Variants in DENND5B observed in about 807,000 individuals in gnomAD.
The protein encoded by DENND5B is DENN domain-containing protein 5B.
DENND5B carries 34 observed loss-of-function variants against 140.6 expected under a neutral mutation model. The ratio of observed to expected loss-of-function variants is 0.24; its 90% CI spans 0.18 to 0.32. The LOEUF (loss-of-function observed/expected upper bound fraction) is 0.32. Ranked by LOEUF, DENND5B falls within the 10% of genes least tolerant of loss-of-function variation. DENND5B has a pLI of 1.00. For missense variants in DENND5B, 1,142 were observed against 1,560.2 expected (o/e 0.73, Z 4.52); for synonymous variants, 551 against 562.1 (o/e 0.98, Z 0.28).
chr12:31,457,650 G>A (rs1326821681), intron 4 of DENND5B, among the ~76,000 whole-genome samples: 1 of 151,846 alleles, frequency 6.6e-6, no homozygotes, highest in East Asian at 1.9e-4. Flanking sequence ...GAGGCTGTTA[G>A]CCTTTTCTTA....
intron 1 of DENND5B, among the ~76,000 whole-genome samples, chr12:31,583,548 C>T (rs1039003887): frequency 6.6e-5 from 10 of 151,560 alleles, no homozygotes; most frequent in South Asian, 2.1e-4. Flanking sequence ...CATGGTGGCA[C>T]GCACCTGTAG....
chr12:31,530,775 A>C (rs540641731), intron 1 of DENND5B, among the ~76,000 whole-genome samples: 48 of 152,330 alleles, frequency 3.2e-4, no homozygotes, highest in African/African-American at 9.4e-4. Context: ...AAATAAGTAC[A>C]TTTACTTCTG....
intron 1 of DENND5B, among the ~76,000 whole-genome samples, chr12:31,554,433 G>T (rs1054083534): frequency 6.6e-6 from 1 of 152,066 alleles, no homozygotes; most frequent in African/African-American, 2.4e-5. Context: ...CAAGAGATCT[G>T]CTGTTAGTCT....
At chr12:31,396,181 T>G (rs1941457471) in intron 17 of DENND5B, among the ~76,000 whole-genome samples, 1 of 151,198 alleles carries the variant, frequency 6.6e-6, no homozygotes, top group Admixed American at 6.6e-5. Context: ...GCAATTCTCC[T>G]GTCTCAGCCT....
chr12:31,509,681 A>C (rs1354788304), intron 1 of DENND5B, among the ~76,000 whole-genome samples: 2 of 152,244 alleles, frequency 1.3e-5, no homozygotes, highest in Admixed American at 6.5e-5. Flanking sequence ...CTCACAGTTT[A>C]CATTCTAAGA....
At chr12:31,452,603 C>T (rs981118693) in intron 4 of DENND5B, 127 bp from the exon 5 acceptor site, 33 of 985,572 alleles carry the variant, frequency 3.3e-5, no homozygotes, top group Non-Finnish European at 4.0e-5. Context: ...GCAAAAGGAT[C>T]GCTTGAGCCC....
At chr12:31,519,869 G>T (rs1271600838) in intron 1 of DENND5B, among the ~76,000 whole-genome samples, 1 of 152,114 alleles carries the variant, frequency 6.6e-6, no homozygotes, top group African/African-American at 2.4e-5. Flanking sequence ...TTATAGAGTT[G>T]TGTGAGCATC....
Position 31,495,876 on chromosome 12 carries a change from G to A in DENND5B, c.171C>T (p.Ser57=). Residue 57 remains serine, a synonymous_variant, in exon 2 of 21, where the codon TCC becomes TCT. Transcript: ENST00000389082. The stretch of plus-strand genomic sequence containing the variant: ...TCTGAGGATAGTGGGCGAGAACTTT[G>A]GATTTGAATGTTCTTCTCAAAGGAC... ...DQSPLRRTFK[S]KVLAHYPQNI... The A allele has an allele frequency of 6.2e-7, 1 of 1,612,808 alleles. No individual in the cohort carries two copies. The highest frequency in any genetic ancestry group is 1.1e-5 in the South Asian group (1 of 90,726).
At chr12:31,402,421 A>G in intron 15 of DENND5B, 77 bp downstream of exon 15, 2 of 1,494,992 alleles carry the variant, frequency 1.3e-6, no homozygotes, top group African/African-American at 1.4e-5. Context: ...TTCAAGGAAA[A>G]ATGAAAAAGC....
chr12:31,426,695 A>C (rs944096013), intron 8 of DENND5B: 12 of 293,886 alleles, frequency 4.1e-5, no homozygotes, highest in African/African-American at 2.6e-4. Flanking sequence ...CATTTCATTT[A>C]GTCTTTTTAT....
At chr12:31,560,030 T>C (rs1047547389) in intron 1 of DENND5B, among the ~76,000 whole-genome samples, 5 of 152,206 alleles carry the variant, frequency 3.3e-5, no homozygotes, top group African/African-American at 1.2e-4. Context: ...TCCTTGGCCC[T>C]CTTCCTCTTC....
intron 1 of DENND5B, among the ~76,000 whole-genome samples, chr12:31,505,740 G>T (rs192238844): frequency 2.0e-5 from 3 of 151,930 alleles, no homozygotes; most frequent in Admixed American, 1.3e-4. Flanking sequence ...ATCTTGGAGG[G>T]GTCTCTGCAA....
At chr12:31,446,440 C>G (rs1310403498) in intron 6 of DENND5B, among the ~76,000 whole-genome samples, 1 of 152,140 alleles carries the variant, frequency 6.6e-6, no homozygotes, top group Admixed American at 6.5e-5. Context: ...TGAACCATCA[C>G]GCCCAGCCTG....
chr12:31,396,053 C>CCTGTTTTTTTTTTTTTTTTTTTTTTTT (rs1399702795), intron 17 of DENND5B, among the ~76,000 whole-genome samples: 1 of 102,844 alleles, frequency 9.7e-6, no homozygotes. Context: ...GTTGGCATTC[C>CCTGTTTTTTTTTTTTTTTTTTTTTTTT]TTGTTTTTTT....
At chr12:31,448,431 A>G (rs793181) in intron 5 of DENND5B, among the ~76,000 whole-genome samples, 140,385 of 152,262 alleles carry the variant, frequency 0.92, 65,316 homozygotes, top group East Asian at 0.99. Context: ...CACCGCGCCC[A>G]GCTACAAGTT....
intron 2 of DENND5B, among the ~76,000 whole-genome samples, chr12:31,491,526 G>A (rs565677283): frequency 3.3e-5 from 5 of 152,100 alleles, no homozygotes; most frequent in African/African-American, 1.2e-4. Context: ...ACAAGGGAAA[G>A]AAAGAAAAGA....
Position 31,494,181 on chromosome 12 carries a change from T to TATCC in DENND5B, c.237+1625_237+1628dup, listed in dbSNP as rs140870680. Among the ~76,000 whole-genome samples, 46 of 85,774 alleles carry TATCC rather than the reference T, an allele frequency of 5.4e-4. 1 individual carries two copies. The highest frequency in any genetic ancestry group is 6.8e-3 in the Middle Eastern group (1 of 148). The allele number at this position is 85,774 out of a possible 152,430, so 56.3% of individuals were successfully genotyped here. On this transcript the variant is annotated intron_variant, in intron 2 of 20. Coordinates refer to ENST00000389082, the MANE Select transcript of DENND5B (RefSeq NM_144973.4). ...CTATCTATCTATCTATCTATCTATC[T>TATCC]ATCCATCCATCCATCCATCCACCTA...
At chr12:31,405,247 G>A (rs1395603494) in intron 14 of DENND5B, among the ~76,000 whole-genome samples, 15 of 150,548 alleles carry the variant, frequency 1.0e-4, no homozygotes, top group East Asian at 7.9e-4. Context: ...ACACGGTCTC[G>A]CTCTGTCACC....
intron 1 of DENND5B, among the ~76,000 whole-genome samples, chr12:31,516,677 C>T (rs1004297171): frequency 6.6e-6 from 1 of 152,132 alleles, no homozygotes; most frequent in Admixed American, 6.5e-5. Flanking sequence ...TAACACCTAC[C>T]TTTTCAAGAG....
Sources: allele counts gnomAD v4.1 joint callset (sites outside exome capture counted in the v4.1 genomes callset), GRCh38; gene constraint gnomAD v4.1.1; transcripts MANE v1.5; gene names NCBI Gene and HGNC (gene_info 2026-07-23, HGNC 2026-07-21).